Variants in CBFA2T3 observed in about 807,000 individuals in gnomAD.
The protein encoded by CBFA2T3 is transcriptional corepressor CBFA2T3.
A neutral mutation model predicts 58.6 loss-of-function variants in CBFA2T3; 31 were observed. That is an observed-to-expected ratio of 0.53 (90% CI 0.40 to 0.71). The LOEUF is 0.71. Among genes scored for constraint, CBFA2T3 ranks in the 30% least tolerant of loss-of-function variants. The probability of loss-of-function intolerance (pLI) is 0.00; values close to 1 mark genes in which losing one functional copy is unlikely to be tolerated. For synonymous variants in CBFA2T3, 531 were observed against 421.9 expected (o/e 1.26, Z -3.17); for missense variants, 1,076 against 963.1 (o/e 1.12, Z -1.55).
At position 88,901,677 on chromosome 16, in the gene CBFA2T3, A is replaced by G. The variant is rs747384578; in HGVS notation, c.152-21T>C. Reference sequence around the variant, plus strand: ...TGGGGCTGCGACCAACGGAGAAAGAAAGAGTCGGTGAAGCAGGCTAAGTGC... The same window carrying G: ...TGGGGCTGCGACCAACGGAGAAAGAGAGAGTCGGTGAAGCAGGCTAAGTGC... On this transcript the variant is annotated intron_variant, in intron 1 of 11. Coordinates refer to ENST00000268679, the MANE Select transcript of CBFA2T3 (RefSeq NM_005187.6). 1.3e-5 allele frequency: 20 copies of G among 1,518,236 alleles called. No homozygotes were observed. The South Asian group carries it at 2.6e-4, about 20-fold the overall frequency. The allele number at this position is 1,518,236 out of a possible 1,614,324, so 94.0% of individuals were successfully genotyped here.
intron 3 of CBFA2T3, among the ~76,000 whole-genome samples, chr16:88,894,069 C>T (rs1443499624): frequency 6.6e-6 from 1 of 152,150 alleles, no homozygotes; most frequent in African/African-American, 2.4e-5. Flanking sequence ...GGACACGCTC[C>T]CTACAAAGGG....
rs563006416 is a variant in CBFA2T3 at position 88,956,189 on chromosome 16, G to A, written c.151+20468C>T. On this transcript the variant is annotated intron_variant, in intron 1 of 11. Transcript: ENST00000268679. ...GAGGGCAGCCGCCTGGCCCCAGCCC[G>A]AGGCCATGTAGAGCCTCCAGACAGA... is the stretch of plus-strand genomic sequence containing the variant. Among the ~76,000 whole-genome samples, 4 of 152,376 alleles carry A rather than the reference G, an allele frequency of 2.6e-5. No homozygotes were observed. In the South Asian group the frequency reaches 6.2e-4, roughly 24 times the overall value.
At chr16:88,968,750 T>C (rs1440240543) in intron 1 of CBFA2T3, among the ~76,000 whole-genome samples, 1 of 152,146 alleles carries the variant, frequency 6.6e-6, no homozygotes, top group Non-Finnish European at 1.5e-5. Context: ...GGGGTCCAGT[T>C]TGCACCGAGC....
chr16:88,959,475 G>C (rs918215960), intron 1 of CBFA2T3, among the ~76,000 whole-genome samples: 1 of 152,246 alleles, frequency 6.6e-6, no homozygotes, highest in Non-Finnish European at 1.5e-5. Context: ...AGCGCTTACA[G>C]AGCCTGCAGG....
chr16:88,938,239 C>G (rs1355151849), intron 1 of CBFA2T3: 1 of 152,336 alleles, frequency 6.6e-6, no homozygotes, highest in East Asian at 1.9e-4. Context: ...GAGCCCTCAG[C>G]CACCAGATCC....
chr16:88,958,964 C>T lies in CBFA2T3; in HGVS notation c.151+17693G>A, dbSNP rs775196885. Among the ~76,000 whole-genome samples the T allele has an allele frequency of 6.6e-6, 1 of 152,166 alleles. No homozygotes were observed. Among genetic ancestry groups the T allele is most frequent in the Non-Finnish European group, 1.5e-5 (1 of 68,022 alleles). ...GGCTGATTCCTCTCTCTGCCCCGAC[C>T]CCTGGCAACCCTGTCAGCTGCTCAT... On this transcript the variant is annotated intron_variant, in intron 1 of 11. Coordinates refer to ENST00000268679, the MANE Select transcript of CBFA2T3 (RefSeq NM_005187.6). The surrounding 1 kb of genome is among the most constrained non-coding windows in gnomAD (Gnocchi z 4.0).
chr16:88,893,266 C>CG (rs778641992), intron 3 of CBFA2T3, among the ~76,000 whole-genome samples: 33 of 146,236 alleles, frequency 2.3e-4, no homozygotes, highest in East Asian at 6.1e-4. Flanking sequence ...TGTGCCTCCC[C>CG]ACACACAGGC....
At chr16:88,914,687 C>T (rs1567604387) in intron 1 of CBFA2T3, among the ~76,000 whole-genome samples, 1 of 152,166 alleles carries the variant, frequency 6.6e-6, no homozygotes, top group Non-Finnish European at 1.5e-5. Context: ...CTCTGCCCTG[C>T]ACCCTGTGGA....
At chr16:88,931,926 T>C (rs1423513467) in intron 1 of CBFA2T3, among the ~76,000 whole-genome samples, 1 of 152,006 alleles carries the variant, frequency 6.6e-6, no homozygotes, top group Non-Finnish European at 1.5e-5. Flanking sequence ...TTGTGGAACA[T>C]TCTCTGAGGC....
chr16:88,916,880 A>C (rs1970753610), intron 1 of CBFA2T3, among the ~76,000 whole-genome samples: 1 of 152,076 alleles, frequency 6.6e-6, no homozygotes, highest in Non-Finnish European at 1.5e-5. Flanking sequence ...GGAGGGGCCA[A>C]CAGAGGGGAG....
chr16:88,900,124 G>GT (rs145447226), intron 2 of CBFA2T3, among the ~76,000 whole-genome samples: 2,351 of 152,326 alleles, frequency 0.015, 69 homozygotes, highest in African/African-American at 0.054. Context: ...CTGCAAAATC[G>GT]TGAGTGCGGC....
intron 1 of CBFA2T3, among the ~76,000 whole-genome samples, chr16:88,956,211 C>T (rs1484042936): frequency 6.6e-6 from 1 of 152,280 alleles, no homozygotes; most frequent in Non-Finnish European, 1.5e-5. Context: ...AGCCTCCAGA[C>T]AGAATGGCCA....
chr16:88,894,590 A>G (rs1164237639), intron 3 of CBFA2T3, among the ~76,000 whole-genome samples: 1 of 150,100 alleles, frequency 6.7e-6, no homozygotes, highest in South Asian at 2.1e-4. Context: ...GCATACATAT[A>G]CACATGCACA....
chr16:88,922,160 G>A (rs941690069), intron 1 of CBFA2T3, among the ~76,000 whole-genome samples: 12 of 152,228 alleles, frequency 7.9e-5, no homozygotes, highest in African/African-American at 2.9e-4. Flanking sequence ...GGGTACTTCC[G>A]GTCTAAGGGC....
chr16:88,967,353 C>T lies in CBFA2T3; in HGVS notation c.151+9304G>A, dbSNP rs565836402. Among the ~76,000 whole-genome samples, 3 of 152,376 alleles carry T rather than the reference C, an allele frequency of 2.0e-5. No individual in the cohort carries two copies. In the East Asian group the frequency reaches 5.8e-4, roughly 29 times the overall value. On this transcript the variant is annotated intron_variant, in intron 1 of 11. Transcript: ENST00000268679. ...ATGCCTTTTCTGTAACTGTGCGAGA[C>T]ACACTGCCTGGGAGCGACGGGGACG...
In CBFA2T3 at chr16:88,943,539, G is replaced by A. The variant is rs570367175; in HGVS notation, c.151+33118C>T. On this transcript the variant is annotated intron_variant, in intron 1 of 11. Transcript: ENST00000268679. ...GTGGTGGCGTGGTAGAGAAGAAAGG[G>A]ATATCGCAGGCAGGAGGGCTTCCTT... 1.8e-3 allele frequency among the ~76,000 whole-genome samples: 267 copies of A among 152,328 alleles called. 2 individuals carry two copies. The highest frequency in any genetic ancestry group is 6.0e-3 in the African/African-American group (250 of 41,582).
Position 88,932,791 on chromosome 16 carries a change from C to CAAAAAAAAAAAAAAAA in CBFA2T3, c.152-31151_152-31136dup, listed in dbSNP as rs576934029. Among the ~76,000 whole-genome samples, 11 of 27,862 alleles carry CAAAAAAAAAAAAAAAA rather than the reference C, an allele frequency of 3.9e-4. 1 individual carries two copies. Among genetic ancestry groups the CAAAAAAAAAAAAAAAA allele is most frequent in the East Asian group, 1.6e-3 (1 of 624 alleles). 18.3% of individuals were successfully genotyped at this position (27,862 alleles called of 152,430 possible). Reference sequence around the variant, plus strand: ...GGCAAACCCGTCTCTACTAAAAATACAAAAAAAAAAAAAAAAAAAAAAAAA... The same window carrying CAAAAAAAAAAAAAAAA: ...GGCAAACCCGTCTCTACTAAAAATACAAAAAAAAAAAAAAAAAAAAAAAAAAAAAAAAAAAAAAAAA... On this transcript the variant is annotated intron_variant, in intron 1 of 11. Coordinates refer to ENST00000268679, the MANE Select transcript of CBFA2T3 (RefSeq NM_005187.6).
At chr16:88,877,362 C>A (rs1968880034) in intron 11 of CBFA2T3, 87 bp from the exon 12 acceptor site, 1 of 1,069,126 alleles carries the variant, frequency 9.4e-7, no homozygotes. Flanking sequence ...TCAGACCCAG[C>A]CACGTCATCA....
chr16:88,957,990 G>T (rs140435735), intron 1 of CBFA2T3, among the ~76,000 whole-genome samples: 128 of 152,378 alleles, frequency 8.4e-4, no homozygotes, highest in African/African-American at 2.9e-3. Context: ...GTTGTAAGAT[G>T]TGTGGGTTAT....
Sources: gnomAD v4.1 joint callset for allele counts (sites outside exome capture counted in the v4.1 genomes callset) on GRCh38, gnomAD v4.1.1 for gene constraint, Gnocchi (gnomAD v3.1) non-coding constraint, MANE v1.5 for transcripts, NCBI Gene and HGNC (gene_info 2026-07-23, HGNC 2026-07-21) for gene names.